Variants in GPR39 observed in about 807,000 individuals in gnomAD.
GPR39 encodes the protein G protein-coupled receptor 39.
A neutral mutation model predicts 18.4 loss-of-function variants in GPR39; 23 were observed. The ratio of observed to expected loss-of-function variants is 1.25; its 90% CI spans 0.90 to 1.77. GPR39 has a LOEUF of 1.77. GPR39 is among the 40% of genes most tolerant of loss of function. The pLI is 0.00. For synonymous variants in GPR39, 280 were observed against 257.9 expected (o/e 1.09, Z -0.82); for missense variants, 647 against 602.4 (o/e 1.07, Z -0.78).
chr2:132,597,011 C>T (rs540656917), intron 1 of GPR39, among the ~76,000 whole-genome samples: 1 of 152,252 alleles, frequency 6.6e-6, no homozygotes, highest in African/African-American at 2.4e-5. Flanking sequence ...TGTGTCAGTT[C>T]CCAGTGTGGG....
Position 132,645,459 on chromosome 2 carries a change from T to A in GPR39, c.1215T>A (p.Thr405=). 6.2e-7 allele frequency: 1 copy of A among 1,613,908 alleles called. No homozygotes were observed. Among genetic ancestry groups the A allele is most frequent in the Non-Finnish European group, 8.5e-7 (1 of 1,180,038 alleles). ...GGCGCCAGTCCTCTGCAAGGAGAAC[T>A]GAGAAGATTTTCTTAAGCACTTTTC... is the stretch of plus-strand genomic sequence containing the variant. ...ASRRQSSARR[T]EKIFLSTFQS... The change falls in exon 2 of 2, where the codon ACT becomes ACA. Residue 405 remains threonine (T), a synonymous_variant. Transcript: ENST00000329321.
intron 1 of GPR39, among the ~76,000 whole-genome samples, chr2:132,446,565 A>T (rs1680541926): frequency 6.6e-6 from 1 of 152,210 alleles, no homozygotes; most frequent in South Asian, 2.1e-4. Context: ...TGACGCTAGA[A>T]TTCCTCTTAG....
intron 1 of GPR39, among the ~76,000 whole-genome samples, chr2:132,456,494 G>A (rs1680731037): frequency 6.6e-6 from 1 of 152,104 alleles, no homozygotes; most frequent in Non-Finnish European, 1.5e-5. Context: ...GGGTAATACT[G>A]TTATGTGTGA....
chr2:132,479,592 A>G (rs2104788572), intron 1 of GPR39, among the ~76,000 whole-genome samples: 1 of 152,324 alleles, frequency 6.6e-6, no homozygotes, highest in Middle Eastern at 3.4e-3. Context: ...AGAAACAGGA[A>G]AGAAGAATCT....
chr2:132,425,755 G>A (rs981381358), intron 1 of GPR39, among the ~76,000 whole-genome samples: 4 of 152,192 alleles, frequency 2.6e-5, no homozygotes, highest in Non-Finnish European at 4.4e-5. Context: ...AGAGGCATTT[G>A]ACCAGGGAGA....
intron 1 of GPR39, among the ~76,000 whole-genome samples, chr2:132,479,246 G>A (rs962994831): frequency 2.0e-5 from 3 of 152,166 alleles, no homozygotes; most frequent in Non-Finnish European, 1.5e-5. Flanking sequence ...TTTTTGTTCC[G>A]TAGTGAGATG....
intron 1 of GPR39, among the ~76,000 whole-genome samples, chr2:132,608,831 A>G (rs1681187804): frequency 1.3e-5 from 2 of 152,292 alleles, no homozygotes; most frequent in Admixed American, 6.5e-5. Flanking sequence ...GGCAGAATCA[A>G]TGAGCACTTG....
chr2:132,642,796 C>T (rs1431811986), intron 1 of GPR39, among the ~76,000 whole-genome samples: 1 of 152,180 alleles, frequency 6.6e-6, no homozygotes, highest in African/African-American at 2.4e-5. Context: ...CATCTAAAAC[C>T]GTGCAATTTC....
At chr2:132,614,140 T>A (rs1171073540) in intron 1 of GPR39, among the ~76,000 whole-genome samples, 2 of 151,984 alleles carry the variant, frequency 1.3e-5, no homozygotes, top group African/African-American at 2.4e-5. Context: ...TCTTTCTCCA[T>A]CCATCCAGAA....
chr2:132,493,087 T>TATATACC (rs1476068728), intron 1 of GPR39, among the ~76,000 whole-genome samples: 7 of 139,910 alleles, frequency 5.0e-5, no homozygotes, highest in African/African-American at 1.1e-4. Context: ...ATATATACCA[T>TATATACC]ATATATACAC....
chr2:132,439,741 C>T (rs1680399917), intron 1 of GPR39, among the ~76,000 whole-genome samples: 1 of 152,186 alleles, frequency 6.6e-6, no homozygotes, highest in African/African-American at 2.4e-5. Flanking sequence ...GAATACAAAG[C>T]ATTTATCCAT....
intron 1 of GPR39, among the ~76,000 whole-genome samples, chr2:132,541,398 C>T (rs1679859501): frequency 6.6e-6 from 1 of 152,082 alleles, no homozygotes; most frequent in South Asian, 2.1e-4. Context: ...TGGACTTTTT[C>T]TATAACAAGC....
intron 1 of GPR39, among the ~76,000 whole-genome samples, chr2:132,553,431 CATATAT>C (rs905808685): frequency 4.0e-5 from 6 of 148,948 alleles, no homozygotes; most frequent in Non-Finnish European, 7.4e-5. Flanking sequence ...CAAATATATA[CATATAT>C]ATATATACCA....
intron 1 of GPR39, among the ~76,000 whole-genome samples, chr2:132,436,528 T>C (rs1437971199): frequency 6.6e-6 from 1 of 152,174 alleles, no homozygotes; most frequent in African/African-American, 2.4e-5. Context: ...ATTTTAATAA[T>C]AATAATGAGA....
chr2:132,486,549 C>T (rs1392720528), intron 1 of GPR39, among the ~76,000 whole-genome samples: 1 of 152,234 alleles, frequency 6.6e-6, no homozygotes, highest in Non-Finnish European at 1.5e-5. Context: ...GCAACTTCTA[C>T]ATCAGCACTT....
intron 1 of GPR39, among the ~76,000 whole-genome samples, chr2:132,614,051 G>A (rs1042104433): frequency 2.0e-5 from 3 of 152,122 alleles, no homozygotes; most frequent in Non-Finnish European, 4.4e-5. Context: ...TACCATATAC[G>A]CCTAAAGCCA....
At chr2:132,535,003 A>G (rs1234465082) in intron 1 of GPR39, among the ~76,000 whole-genome samples, 1 of 151,718 alleles carries the variant, frequency 6.6e-6, no homozygotes, top group Non-Finnish European at 1.5e-5. Flanking sequence ...AATTAAAAAA[A>G]AAACATGTCA....
chr2:132,541,421 T>C (rs1033172104), intron 1 of GPR39, among the ~76,000 whole-genome samples: 13 of 152,192 alleles, frequency 8.5e-5, no homozygotes, highest in African/African-American at 2.9e-4. Context: ...GAGCCTGGGC[T>C]GGGATCATAA....
chr2:132,571,452 G>T (rs1680438960), intron 1 of GPR39, among the ~76,000 whole-genome samples: 2 of 151,864 alleles, frequency 1.3e-5, no homozygotes, highest in Non-Finnish European at 2.9e-5. Flanking sequence ...AAAATCAGGG[G>T]TTAAAAAACC....
Sources: allele counts gnomAD v4.1 joint callset (sites outside exome capture counted in the v4.1 genomes callset), GRCh38; gene constraint gnomAD v4.1.1; transcripts MANE v1.5; gene names NCBI Gene and HGNC (gene_info 2026-07-23, HGNC 2026-07-21).